The following RGS6 variants were observed in gnomAD, a reference collection of about 807,000 sequenced individuals.
The protein encoded by RGS6 is regulator of G protein signaling 6, also known as regulator of G-protein signaling 6.
In RGS6, 30 loss-of-function variants were observed where a neutral mutation model predicts 78.5. That is an observed-to-expected ratio of 0.38 (90% CI 0.29 to 0.52). The LOEUF is 0.52. Among genes scored for constraint, RGS6 ranks in the 20% least tolerant of loss-of-function variants. The pLI, the probability that RGS6 is intolerant of heterozygous loss-of-function variation, is 0.85. For missense variants in RGS6, 495 were observed against 609.7 expected, an observed-to-expected ratio of 0.81 and a Z score of 1.98; for synonymous variants, 206 against 206.0, an observed-to-expected ratio of 1.00 and a Z score of 0.00.
chr14:72,259,672 C>T (rs1012462889), intron 2 of RGS6, among the ~76,000 whole-genome samples: 5 of 152,052 alleles, frequency 3.3e-5, no homozygotes, highest in Admixed American at 6.5e-5. Flanking sequence ...CTTTGGGAGG[C>T]TGAGGCGGGT....
At chr14:72,410,315 C>T (rs2093313038) in intron 3 of RGS6, among the ~76,000 whole-genome samples, 1 of 152,170 alleles carries the variant, frequency 6.6e-6, no homozygotes, top group South Asian at 2.1e-4. Context: ...TCTCTGATGG[C>T]CAGTGATGAT....
intron 3 of RGS6, among the ~76,000 whole-genome samples, chr14:72,407,135 C>A (rs779792443): frequency 4.7e-4 from 71 of 152,196 alleles, no homozygotes; most frequent in Middle Eastern, 3.4e-3. Flanking sequence ...GTTCTAATAC[C>A]AAGACCCTAG....
At chr14:72,458,068 G>A (rs1328188131) in intron 4 of RGS6, among the ~76,000 whole-genome samples, 1 of 152,070 alleles carries the variant, frequency 6.6e-6, no homozygotes, top group Non-Finnish European at 1.5e-5. Flanking sequence ...CTCAGAGGTG[G>A]GATTCAGACA....
intron 17 of RGS6, among the ~76,000 whole-genome samples, chr14:72,552,373 G>A (rs2097520564): frequency 6.6e-6 from 1 of 152,222 alleles, no homozygotes; most frequent in Non-Finnish European, 1.5e-5. Flanking sequence ...TGGGGGGCTT[G>A]TCAGCCTGTA....
At chr14:71,917,911 C>G in the RGS6 span, among the ~76,000 whole-genome samples, 8 of 152,102 alleles carry the variant, frequency 5.3e-5, no homozygotes, top group Non-Finnish European at 1.2e-4. Context: ...CGGTGGCTCA[C>G]GCCTGTAATC....
chr14:72,290,277 C>T (rs1029154085), intron 2 of RGS6, among the ~76,000 whole-genome samples: 5 of 152,144 alleles, frequency 3.3e-5, no homozygotes, highest in African/African-American at 1.2e-4. Flanking sequence ...AAGAGGTTGA[C>T]ATCCTTCCCA....
intron 2 of RGS6, among the ~76,000 whole-genome samples, chr14:72,269,899 A>G (rs932784171): frequency 1.3e-5 from 2 of 152,204 alleles, no homozygotes; most frequent in African/African-American, 4.8e-5. Flanking sequence ...ATATGGGCTT[A>G]GTTCCTCATG....
intron 3 of RGS6, among the ~76,000 whole-genome samples, chr14:72,452,563 G>T (rs1283786326): frequency 2.0e-5 from 3 of 152,168 alleles, no homozygotes; most frequent in Non-Finnish European, 4.4e-5. Context: ...CTGATTTCTG[G>T]GAAGAGGGCA....
In RGS6 at chr14:72,539,991, A is replaced by AT. The variant is rs374066126; in HGVS notation, c.1369-40dup. ...TTTGGGAACCACGTATAAGCTGAAG[A>AT]TTTTTTTTTTCTGTATTTTTCTCCC... is the stretch of plus-strand genomic sequence containing the variant. On this transcript the variant is annotated intron_variant, in intron 16 of 17. Coordinates refer to ENST00000553525, the MANE Select transcript of RGS6 (RefSeq NM_001204424.2). 5.0e-3 allele frequency: 6,435 copies of AT among 1,279,544 alleles called. 1 individual carries two copies. Among genetic ancestry groups the AT allele is most frequent in the South Asian group, 6.6e-3 (434 of 66,086 alleles). The allele number at this position is 1,279,544 out of a possible 1,614,324, so 79.3% of individuals were successfully genotyped here. A position where few individuals can be genotyped will look rare whatever the true frequency, so the allele number is the denominator to read the frequency against.
At chr14:72,493,289 A>G (rs559015119) in intron 12 of RGS6, among the ~76,000 whole-genome samples, 1 of 152,360 alleles carries the variant, frequency 6.6e-6, no homozygotes, top group South Asian at 2.1e-4. Context: ...CAATAAAAGT[A>G]TAGAACTCAT....
the RGS6 span, among the ~76,000 whole-genome samples, chr14:72,579,258 C>T: frequency 3.3e-5 from 5 of 152,192 alleles, no homozygotes; most frequent in Admixed American, 1.3e-4. Context: ...CACCTGGAAG[C>T]CCCTGAATAG....
chr14:72,295,091 A>C (rs2064476517), intron 2 of RGS6, among the ~76,000 whole-genome samples: 1 of 152,118 alleles, frequency 6.6e-6, no homozygotes, highest in East Asian at 1.9e-4. Context: ...GGAGATCGAG[A>C]CCATCCCGGC....
chr14:72,173,955 G>A (rs1264305327), intron 2 of RGS6, among the ~76,000 whole-genome samples: 2 of 152,178 alleles, frequency 1.3e-5, no homozygotes, highest in African/African-American at 2.4e-5. Context: ...TAGGGACACA[G>A]CCTCTTATGC....
chr14:72,481,408 T>A (rs2096374515), intron 12 of RGS6, among the ~76,000 whole-genome samples: 1 of 152,154 alleles, frequency 6.6e-6, no homozygotes, highest in South Asian at 2.1e-4. Flanking sequence ...TGCAATTCTT[T>A]CCTGCACCCT....
At position 72,523,277 on chromosome 14, in the gene RGS6, G is replaced by A. The variant is rs1412585573; in HGVS notation, c.1278+4740G>A. Among the ~76,000 whole-genome samples, 3 of 152,086 alleles carry A rather than the reference G, an allele frequency of 2.0e-5. No individual in the cohort carries two copies. In the East Asian group the frequency reaches 5.8e-4, roughly 29 times the overall value. On this transcript the variant is annotated intron_variant, in intron 15 of 17. Coordinates refer to ENST00000553525, the MANE Select transcript of RGS6 (RefSeq NM_001204424.2). ...GAGAAGTTCTAGTCCCTAGAGAAAG[G>A]CCAAGAGTCTGGGAGTTCCTTCTAG...
intron 2 of RGS6, among the ~76,000 whole-genome samples, chr14:72,124,884 A>C (rs1409398135): frequency 1.3e-5 from 2 of 152,198 alleles, no homozygotes; most frequent in African/African-American, 4.8e-5. Context: ...AGTACTAAGT[A>C]GTATAAAGGC....
At chr14:71,948,577 C>T (rs906709755) in intron 1 of RGS6, among the ~76,000 whole-genome samples, 1 of 152,016 alleles carries the variant, frequency 6.6e-6, no homozygotes, top group African/African-American at 2.4e-5. Context: ...AATCATTGTT[C>T]AATAAATTTT....
chr14:72,607,401 G>T, the RGS6 span, among the ~76,000 whole-genome samples: 1 of 152,292 alleles, frequency 6.6e-6, no homozygotes, highest in Non-Finnish European at 1.5e-5. Flanking sequence ...TGGTGAAGGG[G>T]CAAGGGGTCT....
At chr14:71,967,267 C>T (rs2153059791) in intron 2 of RGS6, among the ~76,000 whole-genome samples, 1 of 151,522 alleles carries the variant, frequency 6.6e-6, no homozygotes, top group Non-Finnish European at 1.5e-5. Flanking sequence ...TTGGTTCAGT[C>T]TGTTAGAAAG....
Sources: allele counts gnomAD v4.1 joint callset (sites outside exome capture counted in the v4.1 genomes callset), GRCh38; gene constraint gnomAD v4.1.1; transcripts MANE v1.5; gene names NCBI Gene and HGNC (gene_info 2026-07-23, HGNC 2026-07-21).